The following TRAPPC8 variants were observed in gnomAD, a reference collection of about 807,000 sequenced individuals.
The protein encoded by TRAPPC8 is trafficking protein particle complex subunit 8, also known as general sporulation gene 1 homolog.
A neutral mutation model predicts 174.3 loss-of-function variants in TRAPPC8; 54 were observed. The ratio of observed to expected loss-of-function variants is 0.31; its 90% CI spans 0.25 to 0.39. The LOEUF (loss-of-function observed/expected upper bound fraction) is 0.39. TRAPPC8 is among the 10% of genes least tolerant of loss of function. The pLI, the probability that TRAPPC8 is intolerant of heterozygous loss-of-function variation, is 1.00. For synonymous variants in TRAPPC8, 630 were observed against 579.9 expected (o/e 1.09, Z -1.24); for missense variants, 1,531 against 1,699.1 (o/e 0.90, Z 1.74).
intron 12 of TRAPPC8, among the ~76,000 whole-genome samples, chr18:31,879,249 T>G (rs2035304115): frequency 6.6e-6 from 1 of 152,122 alleles, no homozygotes; most frequent in Admixed American, 6.5e-5. Flanking sequence ...TCAAAAAATT[T>G]TAAAAAGTCA....
chr18:31,851,219 A>C (rs1375476855), intron 24 of TRAPPC8, among the ~76,000 whole-genome samples: 2 of 152,202 alleles, frequency 1.3e-5, no homozygotes, highest in Non-Finnish European at 2.9e-5. Flanking sequence ...AAAGCAGGTC[A>C]CTACTTCAGA....
intron 12 of TRAPPC8, among the ~76,000 whole-genome samples, chr18:31,879,750 T>C (rs78288019): frequency 0.01 from 1,560 of 151,964 alleles, 32 homozygotes; most frequent in African/African-American, 0.035. Flanking sequence ...GAAGAGATGA[T>C]TTTAATAAGC....
At position 31,942,729 on chromosome 18, in the gene TRAPPC8, G is replaced by A. The variant is rs1205287002; in HGVS notation, c.36C>T (p.Ile12=). 7 of 1,604,780 alleles carry A rather than the reference G, an allele frequency of 4.4e-6. No homozygotes were observed. The highest frequency in any genetic ancestry group is 6.0e-6 in the Non-Finnish European group (7 of 1,176,102). ...CGACACAGGGGACGAAGGAGTCCGGGATTAGCTCCTGCACTGATTGTACAC... is the reference window on the plus strand; with the variant it reads ...CGACACAGGGGACGAAGGAGTCCGGAATTAGCTCCTGCACTGATTGTACAC... ...AQCVQSVQEL[I]PDSFVPCVAA... is the part of the protein sequence containing the mutation. The change falls in exon 1 of 29, where the codon ATC becomes ATT. Residue 12 remains isoleucine, a synonymous_variant. Transcript: ENST00000283351.
At position 31,935,548 on chromosome 18, in the gene TRAPPC8, T is replaced by TGAAAAAAAAAAAAAAA. The variant is rs745488703; in HGVS notation, c.158-4026_158-4025insTTTTTTTTTTTTTTTC. Among the ~76,000 whole-genome samples, 92 of 46,268 alleles carry TGAAAAAAAAAAAAAAA rather than the reference T, an allele frequency of 2.0e-3. 22 individuals carry two copies. The highest frequency in any genetic ancestry group is 3.1e-3 in the African/African-American group (28 of 9,034). The allele number at this position is 46,268 out of a possible 152,430, so 30.4% of individuals were successfully genotyped here. A position where few individuals can be genotyped will look rare whatever the true frequency, so the allele number is the denominator to read the frequency against. ...GGGCAACAAGAGCGAAACTCCATCT[T>TGAAAAAAAAAAAAAAA]AAAAAAAAAAAAAAAAAAAAGCAGG... On this transcript the variant is annotated intron_variant, in intron 1 of 28. Transcript: ENST00000283351.
In TRAPPC8 at chr18:31,830,553, G is replaced by T. The variant is rs1199852014; in HGVS notation, c.*202C>A. 2 of 564,970 alleles carry T rather than the reference G, an allele frequency of 3.5e-6. No individual in the cohort carries two copies. The highest frequency in any genetic ancestry group is 3.8e-5 in the African/African-American group (2 of 52,928). The allele number at this position is 564,970 out of a possible 1,614,324, so 35.0% of individuals were successfully genotyped here. On this transcript the variant is annotated 3_prime_UTR_variant, in exon 29 of 29. Coordinates refer to ENST00000283351, the MANE Select transcript of TRAPPC8 (RefSeq NM_014939.5). ...TTATGAGCATGTAAATTATTCTCAG[G>T]GTTTAAAGAAATACAGAAAAAGAAT...
intron 1 of TRAPPC8, among the ~76,000 whole-genome samples, chr18:31,935,401 A>G (rs2038044747): frequency 6.9e-6 from 1 of 145,348 alleles, no homozygotes; most frequent in Admixed American, 6.9e-5. Context: ...GTCTGCAATT[A>G]CAGGCTGGAG....
intron 11 of TRAPPC8, 78 bp downstream of exon 11, chr18:31,897,708 C>T: frequency 3.8e-6 from 4 of 1,053,790 alleles, no homozygotes; most frequent in Non-Finnish European, 5.1e-6. Context: ...TTTGTAAAGC[C>T]TTTCAAGAAA....
chr18:31,872,863 TTAAG>T (rs765210607), intron 14 of TRAPPC8, among the ~76,000 whole-genome samples: 41 of 152,284 alleles, frequency 2.7e-4, no homozygotes, highest in South Asian at 1.4e-3. Context: ...AAAGCATTCT[TTAAG>T]TGAGAAAAGC....
intron 11 of TRAPPC8, among the ~76,000 whole-genome samples, chr18:31,892,059 AAT>A (rs1439013691): frequency 6.6e-6 from 1 of 152,220 alleles, no homozygotes; most frequent in Non-Finnish European, 1.5e-5. Flanking sequence ...TTGTGTCAGA[AAT>A]ACTTAGGGGA....
At chr18:31,873,114 T>A in intron 14 of TRAPPC8, among the ~76,000 whole-genome samples, 1 of 147,068 alleles carries the variant, frequency 6.8e-6, no homozygotes, top group African/African-American at 2.5e-5. Flanking sequence ...GCCTCCCGGG[T>A]TCACGCCATT....
At chr18:31,836,392 G>C (rs559104862) in intron 27 of TRAPPC8, among the ~76,000 whole-genome samples, 11 of 152,154 alleles carry the variant, frequency 7.2e-5, no homozygotes, top group Admixed American at 5.9e-4. Flanking sequence ...AGATTCCATA[G>C]GGTTTTTTAA....
chr18:31,857,747 G>A lies in TRAPPC8; in HGVS notation c.2981C>T (p.Ala994Val), dbSNP rs1289756385. ...TACAGAAGAAGCTGATGATATGAGT[G>A]CTGTACACACAGAGGTAGCATCTGT... is the stretch of plus-strand genomic sequence containing the variant. ...VVTDATSVCTALISSASSVDF... is the reference protein window; with the variant it reads ...VVTDATSVCTVLISSASSVDF... The change falls in exon 20 of 29, where the codon GCA becomes GTA. Residue 994 changes from alanine to valine, a missense_variant. Transcript: ENST00000283351. The A allele has an allele frequency of 6.2e-7, 1 of 1,614,024 alleles. No individual in the cohort carries two copies. The highest frequency in any genetic ancestry group is 1.3e-5 in the African/African-American group (1 of 74,912).
intron 12 of TRAPPC8, among the ~76,000 whole-genome samples, chr18:31,890,000 A>G (rs1181340708): frequency 6.6e-6 from 1 of 152,216 alleles, no homozygotes; most frequent in African/African-American, 2.4e-5. Context: ...TAAATCTTTA[A>G]AAGATCCTCA....
chr18:31,864,781 C>T lies in TRAPPC8; in HGVS notation c.2591G>A (p.Gly864Glu). The change falls in exon 19 of 29, where the codon GGA (glycine) becomes GAA (glutamate). Residue 864 changes from glycine (G) to glutamate (E), a missense_variant and splice_region_variant. By Grantham distance (98) the Gly-to-Glu change is moderately conservative (BLOSUM62 -2). Transcript: ENST00000283351. ...GACTGACATACTCAAGGAATATTTT[C>T]CTGAAATAAAAAACAATCAATGCCC... Reference protein sequence around the residue: ...GIGALPGCHTGKYSLSMSVRG... With the variant: ...GIGALPGCHTEKYSLSMSVRG... 1 of 1,595,512 alleles carries T rather than the reference C, an allele frequency of 6.3e-7. No individual in the cohort carries two copies.
At chr18:31,907,690 A>G (rs1598719373) in intron 8 of TRAPPC8, 80 bp from the exon 9 acceptor site, 1 of 1,214,700 alleles carries the variant, frequency 8.2e-7, no homozygotes, top group South Asian at 2.1e-5. Flanking sequence ...ACAAGCTGCC[A>G]TGTTCTTCTA....
intron 2 of TRAPPC8, 42 bp downstream of exon 2, chr18:31,931,287 C>A: frequency 1.4e-6 from 2 of 1,460,252 alleles, no homozygotes; most frequent in South Asian, 1.6e-5. Flanking sequence ...TCTAACAAAA[C>A]GAAATTTCAC....
chr18:31,888,317 T>C (rs2035810514), intron 12 of TRAPPC8, among the ~76,000 whole-genome samples: 1 of 152,190 alleles, frequency 6.6e-6, no homozygotes, highest in African/African-American at 2.4e-5. Flanking sequence ...GTGGACCACC[T>C]GAGGTTGGGA....
At position 31,907,471 on chromosome 18, in the gene TRAPPC8, C is replaced by A; in HGVS notation, c.1378G>T (p.Ala460Ser). 6.3e-7 allele frequency: 1 copy of A among 1,594,590 alleles called. No homozygotes were observed. The highest frequency in any genetic ancestry group is 1.2e-5 in the South Asian group (1 of 86,756). ...FLNDQAMLYA[A>S]GALEMAAVSA... The stretch of plus-strand genomic sequence containing the variant: ...CATAGAATACCAACCAAGGCACCAG[C>A]TGCATAAAGCATTGCTTGATCATTA... The change falls in exon 9 of 29, where the codon GCT becomes TCT. Residue 460 changes from alanine to serine, a missense_variant. Transcript: ENST00000283351.
At position 31,942,664 on chromosome 18, in the gene TRAPPC8, A is replaced by C. The variant is rs1275414446; in HGVS notation, c.101T>G (p.Leu34Arg). The part of the protein sequence containing the change: ...CSDEAERLTR[L>R]NHLSFAELLK... ...CAGCTCCGCGAAGCTGAGGTGATTGAGACGAGTGAGCCGCTCGGCTTCGTC... is the reference window on the plus strand; with the variant it reads ...CAGCTCCGCGAAGCTGAGGTGATTGCGACGAGTGAGCCGCTCGGCTTCGTC... The change falls in exon 1 of 29, where the codon CTC becomes CGC. Residue 34 changes from leucine to arginine, a missense_variant. Physicochemically the swap from Leu to Arg is moderately radical, Grantham distance 102 (BLOSUM62 -2). Transcript: ENST00000283351. 6.2e-7 allele frequency: 1 copy of C among 1,611,396 alleles called. No individual in the cohort carries two copies. Among genetic ancestry groups the C allele is most frequent in the Admixed American group, 1.7e-5 (1 of 59,646 alleles).
Sources: allele counts gnomAD v4.1 joint callset (sites outside exome capture counted in the v4.1 genomes callset), GRCh38; gene constraint gnomAD v4.1.1; transcripts MANE v1.5; gene names NCBI Gene and HGNC (gene_info 2026-07-23, HGNC 2026-07-21).